The following FANCM variants were observed in gnomAD, a reference collection of about 807,000 sequenced individuals.
FANCM encodes the protein FA complementation group M.
FANCM carries 140 observed loss-of-function variants against 199.5 expected under a neutral mutation model. The ratio of observed to expected loss-of-function variants is 0.70; its 90% CI spans 0.61 to 0.81. The LOEUF (loss-of-function observed/expected upper bound fraction) is 0.81. Ranked by LOEUF, FANCM falls within the 30% of genes least tolerant of loss-of-function variation. The pLI, the probability that FANCM is intolerant of heterozygous loss-of-function variation, is 0.00. For synonymous variants in FANCM, 840 were observed against 836.8 expected, an observed-to-expected ratio of 1.00 and a Z score of -0.07; for missense variants, 2,410 against 2,421.4, an observed-to-expected ratio of 1.00 and a Z score of 0.10.
At position 45,151,840 on chromosome 14, in the gene FANCM, G is replaced by T. The variant is rs78571751; in HGVS notation, c.1050+312G>T. 0.09 allele frequency among the ~76,000 whole-genome samples: 13,611 copies of T among 151,012 alleles called. 751 individuals are homozygous for T. Among genetic ancestry groups the T allele is most frequent in the South Asian group, 0.18 (856 of 4,748 alleles). On this transcript the variant is annotated intron_variant, in intron 5 of 22. Transcript: ENST00000267430. ...GGCAGGGTAGGATTGCTTGAGCCTG[G>T]GTGGTCGAGGCTGCAGTGAGCTGTG...
intron 17 of FANCM, among the ~76,000 whole-genome samples, chr14:45,184,592 C>T (rs1175201665): frequency 6.9e-6 from 1 of 145,730 alleles, no homozygotes; most frequent in African/African-American, 2.5e-5. Context: ...AACCAGGAAG[C>T]GGAGGTTGCA....
intron 3 of FANCM, among the ~76,000 whole-genome samples, chr14:45,146,928 C>A (rs1886437987): frequency 6.9e-6 from 1 of 145,362 alleles, no homozygotes. Context: ...TTATTTTCTT[C>A]TTAACATTTG....
chr14:45,171,153 T>A (rs1035558646), intron 12 of FANCM, among the ~76,000 whole-genome samples: 2 of 151,262 alleles, frequency 1.3e-5, no homozygotes, highest in African/African-American at 2.4e-5. Context: ...TTTTTTTTTT[T>A]AAGAGATGAG....
Position 45,181,697 on chromosome 14 carries a change from A to T in FANCM, c.4378A>T (p.Ile1460Leu), listed in dbSNP as rs78211950. 3 of 1,603,302 alleles carry T rather than the reference A, an allele frequency of 1.9e-6. No homozygotes were observed. Among genetic ancestry groups the T allele is most frequent in the South Asian group, 1.1e-5 (1 of 90,724 alleles). Residue 1460 changes from isoleucine (I) to leucine (L), a missense_variant, in exon 16 of 23, where the codon ATA (isoleucine) becomes TTA (leucine). Coordinates refer to ENST00000267430, the MANE Select transcript of FANCM (RefSeq NM_020937.4). ...LHAVKKRRFPINRSELSSSDE... is the reference protein window; with the variant it reads ...LHAVKKRRFPLNRSELSSSDE... Reference sequence around the variant, plus strand: ...TGCTGTCAAAAAGCGCAGATTTCCTATAAACAGAGTAAGTAAATACCAGGT... The same window carrying T: ...TGCTGTCAAAAAGCGCAGATTTCCTTTAAACAGAGTAAGTAAATACCAGGT...
At position 45,170,620 on chromosome 14, in the gene FANCM, G is replaced by A; in HGVS notation, c.2034G>A (p.Trp678Ter). The A allele has an allele frequency of 6.3e-7, 1 of 1,599,666 alleles. No individual in the cohort carries two copies. ...GGCAAAGTAGCCTAAAGAAAGATTG[G>A]TTCTTATCAGAAGAAGAATTTAAAT... Reference protein sequence around the residue: ...GMRQSSLKKDWFLSEEEFKLW... With the variant: ...GMRQSSLKKD Residue 678 changes from tryptophan to a stop codon, truncating the protein, a stop_gained, in exon 12 of 23, where the codon TGG becomes TGA. Transcript: ENST00000267430. LOFTEE classifies it high-confidence loss of function.
rs892932088 is a variant in FANCM, at chr14:45,135,963, C to G, written c.-69C>G. 21 of 1,547,772 alleles carry G rather than the reference C, an allele frequency of 1.4e-5. No homozygotes were observed. Among genetic ancestry groups the G allele is most frequent in the Non-Finnish European group, 1.9e-5 (21 of 1,123,832 alleles). On this transcript the variant is annotated 5_prime_UTR_variant, in exon 1 of 23. The change creates a new upstream start codon in the 5' untranslated region. Coordinates refer to ENST00000267430, the MANE Select transcript of FANCM (RefSeq NM_020937.4). Reference sequence around the variant, plus strand: ...TTGTGCGAAGGAAACCGATGGGGATCGGAACCGTAGCGGTTGAGCTGCTGC... The same window carrying G: ...TTGTGCGAAGGAAACCGATGGGGATGGGAACCGTAGCGGTTGAGCTGCTGC...
At position 45,175,627 on chromosome 14, in the gene FANCM, A is replaced by G. The variant is rs1382412196; in HGVS notation, c.2873A>G (p.Asn958Ser). Residue 958 changes from asparagine to serine, a missense_variant, in exon 14 of 23, where the codon AAC (asparagine) becomes AGC (serine). Transcript: ENST00000267430. Reference sequence around the variant, plus strand: ...AATGATGAAAAATCTGTTTCATCTAACTTATTTCTTCCATTCGAAGAAGAG... The same window carrying G: ...AATGATGAAAAATCTGTTTCATCTAGCTTATTTCTTCCATTCGAAGAAGAG... ...SFNDEKSVSS[N>S]LFLPFEEELY... The G allele has an allele frequency of 6.2e-7, 1 of 1,613,534 alleles. No homozygotes were observed. The highest frequency in any genetic ancestry group is 8.5e-7 in the Non-Finnish European group (1 of 1,179,624).
At chr14:45,190,858 A>G (rs1397988670) in intron 20 of FANCM, among the ~76,000 whole-genome samples, 2 of 152,116 alleles carry the variant, frequency 1.3e-5, no homozygotes, top group Non-Finnish European at 2.9e-5. Context: ...CATCTATAGT[A>G]TAGAGATTAA....
chr14:45,200,251 G>A lies in FANCM; in HGVS notation c.*243G>A, dbSNP rs1890290416. 1 of 168,850 alleles carries A rather than the reference G, an allele frequency of 5.9e-6. No homozygotes were observed. The highest frequency in any genetic ancestry group is 2.4e-5 in the African/African-American group (1 of 41,598). 10.5% of individuals were successfully genotyped at this position (168,850 alleles called of 1,614,324 possible). A position where few individuals can be genotyped will look rare whatever the true frequency, so the allele number is the denominator to read the frequency against. On this transcript the variant is annotated 3_prime_UTR_variant, in exon 23 of 23. Transcript: ENST00000267430. Reference sequence around the variant, plus strand: ...TTAAATAAAACAAGGTTTATTAAAAGTGTTACTAAGGATAGTTTAAGAAAG... The same window carrying A: ...TTAAATAAAACAAGGTTTATTAAAAATGTTACTAAGGATAGTTTAAGAAAG...
chr14:45,196,262 C>G lies in FANCM; in HGVS notation c.5431C>G (p.Leu1811Val). The G allele has an allele frequency of 6.2e-7, 1 of 1,614,034 alleles. No individual in the cohort carries two copies. The highest frequency in any genetic ancestry group is 1.1e-5 in the South Asian group (1 of 91,076). The change falls in exon 21 of 23, where the codon CTT becomes GTT. Residue 1811 changes from leucine (L) to valine (V), a missense_variant. Leu to Val is a conservative substitution (Grantham distance 32, BLOSUM62 1). Coordinates refer to ENST00000267430, the MANE Select transcript of FANCM (RefSeq NM_020937.4). ...HLAGTHTSLRLPQEGKGTCIL... is the reference protein window; with the variant it reads ...HLAGTHTSLRVPQEGKGTCIL... ...AGCTGGGACACATACTTCTCTTAGA[C>G]TTCCGCAGGAAGGAAAAGGAACCTG...
At chr14:45,194,306 AAAAAAAAAAC>A (rs977631106) in intron 20 of FANCM, among the ~76,000 whole-genome samples, 4 of 151,498 alleles carry the variant, frequency 2.6e-5, no homozygotes, top group Admixed American at 2.6e-4. Context: ...CCGTCTCAAA[AAAAAAAAAAC>A]AAAAAAAAAC....
Position 45,136,676 on chromosome 14 carries a change from T to G in FANCM, c.508+137T>G, listed in dbSNP as rs1885538250. ...CTACTTGCAGCAAGCCCAAAACTGA[T>G]GAATAGGGTTGCTTTATTCAATCTT... On this transcript the variant is annotated intron_variant, in intron 1 of 22. Transcript: ENST00000267430. 4 of 810,134 alleles carry G rather than the reference T, an allele frequency of 4.9e-6. No homozygotes were observed. In the South Asian group the frequency reaches 5.8e-5, roughly 12 times the overall value. The allele number at this position is 810,134 out of a possible 1,614,324, so 50.2% of individuals were successfully genotyped here. A position where few individuals can be genotyped will look rare whatever the true frequency, so the allele number is the denominator to read the frequency against.
In FANCM at chr14:45,189,035, T is replaced by C. The variant is rs768953456; in HGVS notation, c.5013T>C (p.Asp1671=). The C allele has an allele frequency of 6.2e-7, 1 of 1,614,064 alleles. No individual in the cohort carries two copies. Among genetic ancestry groups the C allele is most frequent in the South Asian group, 1.1e-5 (1 of 91,086 alleles). The change falls in exon 20 of 23, where the codon GAT becomes GAC. Residue 1671 remains aspartate, a synonymous_variant. Coordinates refer to ENST00000267430, the MANE Select transcript of FANCM (RefSeq NM_020937.4). ...AATTATCCAGAATTATTTTACCAGA[T>C]GATTCAAGTGAGGAGGAGAACAATG... ...KKKLSRIILP[D]DSSEEENNVN...
At chr14:45,136,566 G>T in intron 1 of FANCM, 27 bp downstream of exon 1, 1 of 1,608,028 alleles carries the variant, frequency 6.2e-7, no homozygotes, top group Non-Finnish European at 8.5e-7. Context: ...TAATTTTGAA[G>T]TAAGAGCTGG....
chr14:45,175,485 A>C lies in FANCM; in HGVS notation c.2731A>C (p.Thr911Pro), dbSNP rs1888615967. ...SDTDEIAATC[T>P]INENVIKEPC... ...TACAGATGAAATTGCTGCCACATGT[A>C]CTATTAATGAAAATGTTATTAAAGA... The change falls in exon 14 of 23, where the codon ACT (threonine) becomes CCT (proline). Residue 911 changes from threonine (T) to proline (P), a missense_variant. Transcript: ENST00000267430. 3 of 1,612,216 alleles carry C rather than the reference A, an allele frequency of 1.9e-6. No homozygotes were observed. Among genetic ancestry groups the C allele is most frequent in the Non-Finnish European group, 1.7e-6 (2 of 1,178,940 alleles).
chr14:45,141,760 T>C (rs1484697372), intron 3 of FANCM, among the ~76,000 whole-genome samples: 1 of 151,712 alleles, frequency 6.6e-6, no homozygotes, highest in Non-Finnish European at 1.5e-5. Flanking sequence ...TGGCTAATTT[T>C]TGTATTTTTA....
chr14:45,184,581 G>C (rs1889268952), intron 17 of FANCM, among the ~76,000 whole-genome samples: 1 of 148,130 alleles, frequency 6.8e-6, no homozygotes, highest in Non-Finnish European at 1.5e-5. Context: ...AAAATCTCTT[G>C]AACCAGGAAG....
intron 2 of FANCM, 177 bp downstream of exon 2, chr14:45,137,418 C>T: frequency 4.9e-6 from 3 of 617,716 alleles, no homozygotes; most frequent in Non-Finnish European, 8.5e-6. Context: ...CCATTCAAAT[C>T]AGTGTCTTCA....
chr14:45,150,944 G>T (rs1033032855), intron 4 of FANCM, among the ~76,000 whole-genome samples: 1 of 152,146 alleles, frequency 6.6e-6, no homozygotes, highest in South Asian at 2.1e-4. Context: ...AAATGCATCA[G>T]TGAGTAAAAT....
Sources: allele counts gnomAD v4.1 joint callset (sites outside exome capture counted in the v4.1 genomes callset), GRCh38; gene constraint gnomAD v4.1.1; transcripts MANE v1.5; gene names NCBI Gene and HGNC (gene_info 2026-07-23, HGNC 2026-07-21).